CACNA1C: variants seen among roughly 807,000 people sequenced by gnomAD.
CACNA1C encodes the protein calcium voltage-gated channel subunit alpha1 C.
CACNA1C carries 30 observed loss-of-function variants against 229.0 expected under a neutral mutation model. The ratio of observed to expected loss-of-function variants is 0.13; its 90% CI spans 0.10 to 0.18. The LOEUF (loss-of-function observed/expected upper bound fraction) is 0.18, where lower values mean the gene tolerates loss of function less well. CACNA1C is among the 10% of genes least tolerant of loss of function. CACNA1C has a pLI of 1.00. For synonymous variants in CACNA1C, 1,114 were observed against 1,132.5 expected, an observed-to-expected ratio of 0.98 and a Z score of 0.33; for missense variants, 1,658 against 2,845.0, an observed-to-expected ratio of 0.58 and a Z score of 9.49.
At chr12:2,321,220 TG>T (rs142435618) in intron 3 of CACNA1C, among the ~76,000 whole-genome samples, 3 of 147,454 alleles carry the variant, frequency 2.0e-5, no homozygotes, top group Admixed American at 6.8e-5. Context: ...AGGTGGTCGT[TG>T]GGGGGGTGGG....
chr12:2,114,323 G>C (rs1382706284), intron 1 of CACNA1C, among the ~76,000 whole-genome samples: 1 of 152,168 alleles, frequency 6.6e-6, no homozygotes, highest in Admixed American at 6.5e-5. Flanking sequence ...GCCTTGTGTG[G>C]GGGCTGGCTT....
Position 2,354,189 on chromosome 12 carries a change from G to A in CACNA1C, c.478-94787G>A, listed in dbSNP as rs1313294473. Among the ~76,000 whole-genome samples the A allele has an allele frequency of 6.6e-6, 1 of 152,126 alleles. No homozygotes were observed. The highest frequency in any genetic ancestry group is 2.4e-5 in the African/African-American group (1 of 41,438). Reference sequence around the variant, plus strand: ...AACCCCTTAACCCAGTGGAAGCCCCGCCTTTCATGTGGGCCCCGCACAGTT... The same window carrying A: ...AACCCCTTAACCCAGTGGAAGCCCCACCTTTCATGTGGGCCCCGCACAGTT... On this transcript the variant is annotated intron_variant, in intron 3 of 46. Transcript: ENST00000399655. The surrounding 1 kb of genome is among the most constrained non-coding windows in gnomAD (Gnocchi z 4.6).
At chr12:2,491,259 G>A (rs2099727813) in intron 6 of CACNA1C, among the ~76,000 whole-genome samples, 1 of 152,182 alleles carries the variant, frequency 6.6e-6, no homozygotes, top group African/African-American at 2.4e-5. Flanking sequence ...GGCGAGGGGG[G>A]TTTCAGGGAG....
At chr12:2,292,361 T>C (rs908120126) in intron 3 of CACNA1C, among the ~76,000 whole-genome samples, 1 of 152,254 alleles carries the variant, frequency 6.6e-6, no homozygotes, top group East Asian at 1.9e-4. Flanking sequence ...TTCAATTCCA[T>C]GCACGTTTAT....
chr12:2,359,336 C>T (rs546114300), intron 3 of CACNA1C, among the ~76,000 whole-genome samples: 1 of 152,284 alleles, frequency 6.6e-6, no homozygotes, highest in African/African-American at 2.4e-5. Context: ...GGACCTTCAG[C>T]CCATAGACTC....
chr12:2,043,724 C>T (rs367930722), intron 1 of CACNA1C, among the ~76,000 whole-genome samples: 2,295 of 138,936 alleles, frequency 0.017, 68 homozygotes, highest in African/African-American at 0.057. Context: ...GGCGCAATCT[C>T]GGCTCACTGC....
intron 3 of CACNA1C, among the ~76,000 whole-genome samples, chr12:2,429,689 T>C (rs2099064533): frequency 6.6e-6 from 1 of 152,170 alleles, no homozygotes; most frequent in African/African-American, 2.4e-5. Flanking sequence ...CTTTGTAAGT[T>C]AAGTTCAGAA....
chr12:2,442,979 C>T (rs958034926), intron 3 of CACNA1C, among the ~76,000 whole-genome samples: 9 of 152,156 alleles, frequency 5.9e-5, no homozygotes, highest in African/African-American at 1.7e-4. Flanking sequence ...TATGCTCAAA[C>T]GATATTCTGC....
intron 9 of CACNA1C, among the ~76,000 whole-genome samples, chr12:2,517,643 T>G (rs1226061720): frequency 6.6e-6 from 1 of 152,192 alleles, no homozygotes; most frequent in African/African-American, 2.4e-5. Flanking sequence ...CCCACTCTAG[T>G]GACTGCTTCT....
intron 1 of CACNA1C, among the ~76,000 whole-genome samples, chr12:2,109,839 T>A (rs533209017): frequency 6.2e-4 from 94 of 152,240 alleles, no homozygotes; most frequent in Non-Finnish European, 1.1e-3. Flanking sequence ...CATGGTTACA[T>A]CCAAGAAATC....
At chr12:2,075,118 C>A (rs896310135) in intron 1 of CACNA1C, among the ~76,000 whole-genome samples, 4 of 152,202 alleles carry the variant, frequency 2.6e-5, no homozygotes, top group African/African-American at 7.2e-5. Flanking sequence ...CAGCCAACAT[C>A]TTTTCACCCC....
At chr12:2,365,305 T>A (rs1399299130) in intron 3 of CACNA1C, among the ~76,000 whole-genome samples, 1 of 152,216 alleles carries the variant, frequency 6.6e-6, no homozygotes, top group Non-Finnish European at 1.5e-5. Context: ...AAATCGGTAA[T>A]TTTAGGAACA....
At chr12:2,613,233 T>G (rs1190049353) in intron 29 of CACNA1C, 1 of 152,170 alleles carries the variant, frequency 6.6e-6, no homozygotes, top group Non-Finnish European at 1.5e-5. Context: ...CACGTCATTC[T>G]CAAAACGTCC....
chr12:2,442,926 C>T (rs10774046), intron 3 of CACNA1C, among the ~76,000 whole-genome samples: 10,375 of 152,240 alleles, frequency 0.068, 416 homozygotes, highest in South Asian at 0.11. Flanking sequence ...CCAAACACCT[C>T]CAACCCTAGG....
intron 3 of CACNA1C, among the ~76,000 whole-genome samples, chr12:2,420,658 G>A (rs1249365381): frequency 6.6e-6 from 1 of 152,242 alleles, no homozygotes; most frequent in Admixed American, 6.5e-5. Context: ...AACATCTGTA[G>A]GAACTCAGAG....
chr12:2,344,344 G>A (rs73605775), intron 3 of CACNA1C, among the ~76,000 whole-genome samples: 5,129 of 152,004 alleles, frequency 0.034, 203 homozygotes, highest in African/African-American at 0.09. Context: ...GTGTGTGAGC[G>A]TTTCACACTC....
intron 3 of CACNA1C, among the ~76,000 whole-genome samples, chr12:2,304,885 G>A (rs533958058): frequency 2.8e-4 from 43 of 152,324 alleles, no homozygotes; most frequent in African/African-American, 9.9e-4. Context: ...GGGTTTGGGT[G>A]AGAAAAGCCG....
chr12:2,496,194 G>A (rs1598073050), intron 7 of CACNA1C, among the ~76,000 whole-genome samples: 1 of 152,228 alleles, frequency 6.6e-6, no homozygotes, highest in Non-Finnish European at 1.5e-5. Context: ...CCAGGCTGGA[G>A]TTTGAAAACG....
At chr12:2,198,451 T>A (rs1483646164) in intron 3 of CACNA1C, among the ~76,000 whole-genome samples, 1 of 152,152 alleles carries the variant, frequency 6.6e-6, no homozygotes, top group African/African-American at 2.4e-5. Flanking sequence ...AACAATTAAT[T>A]ACAGCTCCGC....
Sources: allele counts gnomAD v4.1 joint callset (sites outside exome capture counted in the v4.1 genomes callset), GRCh38; gene constraint gnomAD v4.1.1; non-coding constraint Gnocchi (gnomAD v3.1); transcripts MANE v1.5; gene names NCBI Gene and HGNC (gene_info 2026-07-23, HGNC 2026-07-21).